Variants in YAF2 observed in about 807,000 individuals in gnomAD.
YAF2 encodes the protein YY1-associated factor 2.
A neutral mutation model predicts 20.1 loss-of-function variants in YAF2; 7 were observed. The ratio of observed to expected loss-of-function variants is 0.35; its 90% CI spans 0.20 to 0.65. YAF2 has a LOEUF of 0.65. Ranked by LOEUF, YAF2 falls within the 30% of genes least tolerant of loss-of-function variation. The pLI, the probability that YAF2 is intolerant of heterozygous loss-of-function variation, is 0.69. For missense variants in YAF2, 151 were observed against 219.2 expected (o/e 0.69, Z 1.96); for synonymous variants, 74 against 76.0 (o/e 0.97, Z 0.14).
Position 42,162,788 on chromosome 12 carries a change from T to C in YAF2, c.153-1023A>G, listed in dbSNP as rs150237104. On this transcript the variant is annotated intron_variant, in intron 2 of 3. Transcript: ENST00000534854. The stretch of plus-strand genomic sequence containing the variant: ...CTGAGAGAAAATAGGAAACAGTATG[T>C]AAAGCAGATATCAGGAGATGGATAA... 2.0e-4 allele frequency among the ~76,000 whole-genome samples: 31 copies of C among 152,242 alleles called. No individual in the cohort carries two copies. In the East Asian group the frequency reaches 5.0e-3, roughly 25 times the overall value.
chr12:42,223,190 GT>G (rs751314329), intron 2 of YAF2, among the ~76,000 whole-genome samples: 3 of 152,092 alleles, frequency 2.0e-5, no homozygotes, highest in Non-Finnish European at 4.4e-5. Context: ...TCATAGTTGG[GT>G]GAAAGGTTTC....
At chr12:42,167,372 A>G (rs528666931) in intron 2 of YAF2, among the ~76,000 whole-genome samples, 2 of 152,332 alleles carry the variant, frequency 1.3e-5, no homozygotes, top group East Asian at 1.9e-4. Context: ...AAAAAATCAA[A>G]TAACTAAGAT....
At chr12:42,228,297 G>GA (rs1201571333) in intron 2 of YAF2, among the ~76,000 whole-genome samples, 1 of 57,600 alleles carries the variant, frequency 1.7e-5, no homozygotes, top group African/African-American at 1.2e-4. Context: ...GAGGGAGGTG[G>GA]GGGGGGGTCA....
intron 2 of YAF2, among the ~76,000 whole-genome samples, chr12:42,176,622 T>G (rs958557093): frequency 2.0e-5 from 3 of 152,146 alleles, no homozygotes; most frequent in African/African-American, 4.8e-5. Context: ...AGTCTAAAAT[T>G]GAATGCTTTC....
chr12:42,175,786 C>T (rs1255751466), intron 2 of YAF2, among the ~76,000 whole-genome samples: 1 of 129,102 alleles, frequency 7.7e-6, no homozygotes, highest in Non-Finnish European at 1.7e-5. Flanking sequence ...ACAGGAATAC[C>T]TAGGTCCCAC....
intron 2 of YAF2, among the ~76,000 whole-genome samples, chr12:42,177,817 C>T (rs1423955305): frequency 1.1e-4 from 16 of 152,048 alleles, no homozygotes; most frequent in Non-Finnish European, 1.5e-5. Flanking sequence ...ATATGAATGC[C>T]AGACCATAAT....
intron 2 of YAF2, among the ~76,000 whole-genome samples, chr12:42,179,689 T>G (rs1592183080): frequency 7.2e-6 from 1 of 139,796 alleles, no homozygotes; most frequent in Non-Finnish European, 1.5e-5. Flanking sequence ...GAGGCTGAGG[T>G]GGGAGAATTG....
chr12:42,217,896 C>A (rs149542983), intron 2 of YAF2, among the ~76,000 whole-genome samples: 140 of 152,128 alleles, frequency 9.2e-4, no homozygotes, highest in African/African-American at 3.1e-3. Flanking sequence ...ATCATAAAGA[C>A]CATGAAATTG....
At chr12:42,190,151 T>G (rs2066576764) in intron 2 of YAF2, among the ~76,000 whole-genome samples, 1 of 152,208 alleles carries the variant, frequency 6.6e-6, no homozygotes, top group African/African-American at 2.4e-5. Context: ...GATTCCAGCC[T>G]GGGCAACACA....
intron 2 of YAF2, among the ~76,000 whole-genome samples, chr12:42,215,385 A>C (rs1279436577): frequency 6.6e-6 from 1 of 151,650 alleles, no homozygotes; most frequent in Non-Finnish European, 1.5e-5. Context: ...TAGGCAACAC[A>C]GTGAGACCTC....
intron 2 of YAF2, among the ~76,000 whole-genome samples, chr12:42,177,775 T>G (rs77553803): frequency 1.3e-5 from 2 of 152,106 alleles, no homozygotes. Context: ...GTCAGAGAAG[T>G]CTTCCTTTTT....
At chr12:42,182,157 T>C (rs1273887402) in intron 2 of YAF2, among the ~76,000 whole-genome samples, 1 of 152,218 alleles carries the variant, frequency 6.6e-6, no homozygotes, top group African/African-American at 2.4e-5. Flanking sequence ...GCATCATTTA[T>C]AGTTGTATTT....
chr12:42,198,611 T>C (rs1316707495), intron 2 of YAF2, among the ~76,000 whole-genome samples: 1 of 152,112 alleles, frequency 6.6e-6, no homozygotes, highest in Non-Finnish European at 1.5e-5. Context: ...TTTATCAGAA[T>C]GAAACATCAC....
At chr12:42,171,054 G>A (rs1164543633) in intron 2 of YAF2, among the ~76,000 whole-genome samples, 3 of 151,974 alleles carry the variant, frequency 2.0e-5, no homozygotes, top group Non-Finnish European at 2.9e-5. Context: ...GTGCAGTGGC[G>A]TGATCTCGGC....
Position 42,233,413 on chromosome 12 carries a change from G to A in YAF2, c.152+4186C>T, listed in dbSNP as rs528659711. On this transcript the variant is annotated intron_variant, in intron 2 of 3. Transcript: ENST00000534854. ...AAGTAACTGTCCACTACTAGATGAA[G>A]TACCAATAAGACACCAGTCTTAAAT... The A allele has an allele frequency of 3.1e-6, 3 of 982,948 alleles. No individual in the cohort carries two copies. In the African/African-American group the frequency reaches 5.2e-5, roughly 17 times the overall value. 60.9% of individuals were successfully genotyped at this position (982,948 alleles called of 1,614,324 possible).
Position 42,160,799 on chromosome 12 carries a change from A to G in YAF2, c.333T>C (p.Ser111=). The G allele has an allele frequency of 6.2e-7, 1 of 1,612,170 alleles. No individual in the cohort carries two copies. The highest frequency in any genetic ancestry group is 2.2e-5 in the East Asian group (1 of 44,880). ...TRPRLKNVDR[S]SAQHLEVTVG... ...CAGTAACTTCCAAATGCTGAGCACT[A>G]CTCCGATCCACATTTTTCAATCTTG... The change falls in exon 4 of 4, where the codon AGT becomes AGC. Residue 111 remains serine (S), a synonymous_variant. Transcript: ENST00000534854.
chr12:42,215,904 G>T (rs1283569300), intron 2 of YAF2, among the ~76,000 whole-genome samples: 1 of 151,516 alleles, frequency 6.6e-6, no homozygotes, highest in African/African-American at 2.4e-5. Flanking sequence ...CAGCCTAGGC[G>T]ACAGAGCGAG....
chr12:42,225,799 A>G (rs894015276), intron 2 of YAF2, among the ~76,000 whole-genome samples: 1 of 152,214 alleles, frequency 6.6e-6, no homozygotes, highest in African/African-American at 2.4e-5. Flanking sequence ...TATAGTTTGA[A>G]GTCAGGTAGC....
intron 2 of YAF2, among the ~76,000 whole-genome samples, chr12:42,222,752 G>A (rs2067558194): frequency 6.6e-6 from 1 of 151,740 alleles, no homozygotes; most frequent in East Asian, 1.9e-4. Context: ...TGATATTCAG[G>A]GATTTTTTTT....
Sources: allele counts gnomAD v4.1 joint callset (sites outside exome capture counted in the v4.1 genomes callset), GRCh38; gene constraint gnomAD v4.1.1; transcripts MANE v1.5; gene names NCBI Gene and HGNC (gene_info 2026-07-23, HGNC 2026-07-21).